The following TERB1 variants were observed in gnomAD, a reference collection of about 807,000 sequenced individuals.
TERB1 encodes the protein telomere repeats-binding bouquet formation protein 1.
Under a neutral mutation model 92.3 loss-of-function variants are expected in TERB1, and 63 were observed. The observed-to-expected ratio is 0.68, with a 90% CI of 0.56 to 0.84. The LOEUF (loss-of-function observed/expected upper bound fraction) is 0.84, where lower values mean the gene tolerates loss of function less well. TERB1 is among the 40% of genes least tolerant of loss of function. The probability of loss-of-function intolerance (pLI) is 0.00; values close to 1 mark genes in which losing one functional copy is unlikely to be tolerated. For missense variants in TERB1, 709 were observed against 843.7 expected (o/e 0.84, Z 1.98); for synonymous variants, 252 against 283.9 (o/e 0.89, Z 1.13).
At chr16:66,787,535 C>T (rs967356270) in intron 6 of TERB1, among the ~76,000 whole-genome samples, 1 of 152,148 alleles carries the variant, frequency 6.6e-6, no homozygotes, top group Non-Finnish European at 1.5e-5. Context: ...TCTATATTCT[C>T]TTTGCCACTT....
At position 66,754,659 on chromosome 16, in the gene TERB1, C is replaced by A; in HGVS notation, c.*317G>T. On this transcript the variant is annotated 3_prime_UTR_variant, in exon 19 of 19. Transcript: ENST00000433154. Reference sequence around the variant, plus strand: ...CAAATGTCCCACATAGTATTTATTGCAATATAATGTCAAATAACATTTAAA... The same window carrying A: ...CAAATGTCCCACATAGTATTTATTGAAATATAATGTCAAATAACATTTAAA... 3.9e-6 allele frequency: 1 copy of A among 258,386 alleles called. No individual in the cohort carries two copies. The highest frequency in any genetic ancestry group is 7.3e-6 in the Non-Finnish European group (1 of 137,154). 16.0% of individuals were successfully genotyped at this position (258,386 alleles called of 1,614,324 possible). A position where few individuals can be genotyped will look rare whatever the true frequency, so the allele number is the denominator to read the frequency against.
At chr16:66,777,057 G>T in intron 11 of TERB1, 146 bp downstream of exon 11, 1 of 651,856 alleles carries the variant, frequency 1.5e-6, no homozygotes, top group Non-Finnish European at 2.5e-6. Context: ...GGAGAATTAG[G>T]AGCTGAAATG....
At chr16:66,796,565 G>A (rs1161660878) in intron 3 of TERB1, among the ~76,000 whole-genome samples, 1 of 152,280 alleles carries the variant, frequency 6.6e-6, no homozygotes, top group East Asian at 1.9e-4. Context: ...ACTATCACAT[G>A]ATATTCTAAT....
At chr16:66,794,275 T>A (rs1342674138) in intron 3 of TERB1, among the ~76,000 whole-genome samples, 1 of 152,012 alleles carries the variant, frequency 6.6e-6, no homozygotes, top group Non-Finnish European at 1.5e-5. Flanking sequence ...AATTTTTATA[T>A]TTTTTGTATA....
chr16:66,793,337 C>A (rs1002873933), intron 3 of TERB1, among the ~76,000 whole-genome samples: 1 of 151,166 alleles, frequency 6.6e-6, no homozygotes, highest in Admixed American at 6.6e-5. Context: ...CTGCCTCAGC[C>A]TCCCGAATAG....
chr16:66,768,629 T>C (rs1172601639), intron 14 of TERB1, among the ~76,000 whole-genome samples: 1 of 152,164 alleles, frequency 6.6e-6, no homozygotes, highest in African/African-American at 2.4e-5. Context: ...GATTATACTG[T>C]CACAATGATT....
intron 12 of TERB1, among the ~76,000 whole-genome samples, chr16:66,774,699 T>C (rs1338813820): frequency 6.6e-6 from 1 of 151,274 alleles, no homozygotes; most frequent in East Asian, 1.9e-4. Flanking sequence ...TTTTTTTTTT[T>C]TGAGACAGGG....
intron 9 of TERB1, among the ~76,000 whole-genome samples, chr16:66,784,960 C>G (rs539812181): frequency 2.7e-5 from 4 of 145,616 alleles, no homozygotes; most frequent in South Asian, 4.5e-4. Context: ...TGACCTCAAG[C>G]GATCCACCTG....
chr16:66,766,642 G>A (rs747076164), intron 16 of TERB1, among the ~76,000 whole-genome samples: 124 of 152,136 alleles, frequency 8.2e-4, no homozygotes, highest in Non-Finnish European at 1.2e-3. Flanking sequence ...TAGTAATAAC[G>A]GCTCTCTGAA....
intron 16 of TERB1, among the ~76,000 whole-genome samples, chr16:66,764,474 C>G (rs1057303078): frequency 1.3e-5 from 2 of 152,108 alleles, no homozygotes; most frequent in African/African-American, 4.8e-5. Flanking sequence ...GAAAGCCAGG[C>G]AGAGAGGTTG....
rs2018365201 is a variant in TERB1 at position 66,767,410 on chromosome 16, C to T, written c.1780+5G>A. ...TGAAACAACTGCAATTAAAAAAATA[C>T]TTACCTGAGCACCTATACGTCAACA... On this transcript the variant is annotated splice_donor_5th_base_variant and intron_variant, in intron 16 of 18. Transcript: ENST00000433154. 1.4e-6 allele frequency: 2 copies of T among 1,473,132 alleles called. No individual in the cohort carries two copies. Among genetic ancestry groups the T allele is most frequent in the East Asian group, 2.5e-5 (1 of 39,322 alleles). The allele number at this position is 1,473,132 out of a possible 1,614,324, so 91.3% of individuals were successfully genotyped here. A position where few individuals can be genotyped will look rare whatever the true frequency, so the allele number is the denominator to read the frequency against.
At chr16:66,787,623 T>A (rs2145211208) in intron 6 of TERB1, among the ~76,000 whole-genome samples, 1 of 152,320 alleles carries the variant, frequency 6.6e-6, no homozygotes, top group African/African-American at 2.4e-5. Flanking sequence ...AATGGTCAAT[T>A]CAGCAGAAAA....
chr16:66,776,318 A>G (rs1244129170), intron 11 of TERB1, among the ~76,000 whole-genome samples: 2 of 148,148 alleles, frequency 1.3e-5, no homozygotes, highest in Non-Finnish European at 3.0e-5. Flanking sequence ...AACAAGAGCA[A>G]AACTCCGTCT....
At chr16:66,771,654 C>T (rs1360352068) in intron 13 of TERB1, among the ~76,000 whole-genome samples, 1 of 107,266 alleles carries the variant, frequency 9.3e-6, no homozygotes, top group Non-Finnish European at 1.7e-5. Context: ...CACACACACA[C>T]ACACACACAC....
At chr16:66,787,983 AC>A (rs1465151397) in intron 6 of TERB1, among the ~76,000 whole-genome samples, 185 bp downstream of exon 6, 1 of 152,178 alleles carries the variant, frequency 6.6e-6, no homozygotes, top group Non-Finnish European at 1.5e-5. Flanking sequence ...AATCACTTGA[AC>A]CAGGTGGCAG....
At position 66,755,039 on chromosome 16, in the gene TERB1, C is replaced by T. The variant is rs752395912; in HGVS notation, c.2121G>A (p.Lys707=). The change falls in exon 19 of 19, where the codon AAG becomes AAA. Residue 707 remains lysine (K), a synonymous_variant. Transcript: ENST00000433154. The part of the protein sequence containing the change: ...LWSFPFQQGR[K]AVDLAHKYHK... The stretch of plus-strand genomic sequence containing the variant: ...GGTATTTGTGAGCAAGGTCCACAGC[C>T]TTCCGTCCTTGCTGAAAGGGGAAAG... 24 of 1,551,714 alleles carry T rather than the reference C, an allele frequency of 1.5e-5. No individual in the cohort carries two copies. The highest frequency in any genetic ancestry group is 7.1e-5 in the South Asian group (6 of 84,068).
intron 13 of TERB1, among the ~76,000 whole-genome samples, chr16:66,770,864 T>A (rs1188606608): frequency 1.3e-5 from 2 of 151,980 alleles, no homozygotes; most frequent in African/African-American, 2.4e-5. Context: ...ATATATATAT[T>A]TTTTGAGACA....
intron 9 of TERB1, among the ~76,000 whole-genome samples, chr16:66,780,868 T>C (rs150445676): frequency 6.6e-6 from 1 of 152,316 alleles, no homozygotes; most frequent in East Asian, 1.9e-4. Context: ...CCTTTGCATG[T>C]GACATATGAG....
chr16:66,771,615 A>C (rs2018452552), intron 13 of TERB1, among the ~76,000 whole-genome samples: 1 of 150,864 alleles, frequency 6.6e-6, no homozygotes, highest in Non-Finnish European at 1.5e-5. Context: ...TGTGAATTAT[A>C]TCTCATTAAA....
Sources: gnomAD v4.1 joint callset for allele counts (sites outside exome capture counted in the v4.1 genomes callset) on GRCh38, gnomAD v4.1.1 for gene constraint, MANE v1.5 for transcripts, NCBI Gene and HGNC (gene_info 2026-07-23, HGNC 2026-07-21) for gene names.